Variants in ESM1 observed in about 807,000 individuals in gnomAD.
The protein encoded by ESM1 is endothelial cell-specific molecule 1.
In ESM1, 7 loss-of-function variants were observed where a neutral mutation model predicts 14.9. The observed-to-expected ratio is 0.47, with a 90% CI of 0.27 to 0.88. ESM1 has a LOEUF of 0.88. Among genes scored for constraint, ESM1 ranks in the 40% least tolerant of loss-of-function variants. The pLI is 0.14. For missense variants in ESM1, 192 were observed against 237.9 expected (o/e 0.81, Z 1.27); for synonymous variants, 89 against 89.4 (o/e 1.00, Z 0.02).
intron 1 of ESM1, 98 bp downstream of exon 1, chr5:54,985,092 GCCTTGTCAAGAATCCACCTGCCTTTTC>G: frequency 1.2e-6 from 1 of 814,352 alleles, no homozygotes; most frequent in South Asian, 1.7e-5. Context: ...CCTGTGTGGT[GCCTTGTCAAGAATCCACCTGCCTTTTC>G]CCTCTTACTC....
At chr5:54,982,283 AC>A in intron 1 of ESM1, 137 bp from the exon 2 acceptor site, 1 of 794,714 alleles carries the variant, frequency 1.3e-6, no homozygotes, top group Non-Finnish European at 1.9e-6. Context: ...AATTCTCCAA[AC>A]CCAGGATTTG....
chr5:54,979,491 C>A, intron 2 of ESM1, 56 bp from the exon 3 acceptor site: 3 of 1,200,436 alleles, frequency 2.5e-6, no homozygotes, highest in Non-Finnish European at 1.2e-6. Context: ...AAAGACAACA[C>A]AGTTTTGCTT....
Position 54,978,100 on chromosome 5 carries a change from G to A in ESM1, c.*1232C>T, listed in dbSNP as rs1016069697. On this transcript the variant is annotated 3_prime_UTR_variant, in exon 3 of 3. Transcript: ENST00000381405. ...AACATCTAGTACAACAGTCCTGTTT[G>A]TGCTAAGATTCTTTCAAATATACTC... The A allele has an allele frequency of 1.3e-5, 2 of 152,032 alleles. No homozygotes were observed. The highest frequency in any genetic ancestry group is 4.8e-5 in the African/African-American group (2 of 41,394). The allele number at this position is 152,032 out of a possible 1,614,324, so 9.4% of individuals were successfully genotyped here. A position where few individuals can be genotyped will look rare whatever the true frequency, so the allele number is the denominator to read the frequency against.
In ESM1 at chr5:54,979,429, T is replaced by G. The variant is rs950760667; in HGVS notation, c.458A>C (p.Asp153Ala). The change falls in exon 3 of 3, where the codon GAC becomes GCC. Residue 153 changes from aspartate to alanine, a missense_variant. By Grantham distance (126) the Asp-to-Ala change is moderately radical. Coordinates refer to ENST00000381405, the MANE Select transcript of ESM1 (RefSeq NM_007036.5). ...AATATTGCCATCTCCAGATGCCATGTCATGCTCTGAAAGTAGACGGAATAC... is the reference window on the plus strand; with the variant it reads ...AATATTGCCATCTCCAGATGCCATGGCATGCTCTGAAAGTAGACGGAATAC... ...SNRFVSLTEH[D>A]MASGDGNIVR... 1 of 1,607,380 alleles carries G rather than the reference T, an allele frequency of 6.2e-7. No homozygotes were observed. Among genetic ancestry groups the G allele is most frequent in the South Asian group, 1.1e-5 (1 of 90,916 alleles).
Position 54,979,197 on chromosome 5 carries a change from TG to T in ESM1, c.*134del. The T allele has an allele frequency of 1.5e-6, 1 of 668,246 alleles. No homozygotes were observed. The highest frequency in any genetic ancestry group is 2.7e-6 in the Non-Finnish European group (1 of 371,128). The allele number at this position is 668,246 out of a possible 1,614,324, so 41.4% of individuals were successfully genotyped here. ...TGTAAGTATCCTACTTTTTGTTTTC[TG>T]GATCCACCATGCATCACATTTGGTC... On this transcript the variant is annotated 3_prime_UTR_variant, in exon 3 of 3. Coordinates refer to ENST00000381405, the MANE Select transcript of ESM1 (RefSeq NM_007036.5).
intron 1 of ESM1, among the ~76,000 whole-genome samples, chr5:54,984,491 T>A (rs888933126): frequency 6.6e-6 from 1 of 152,236 alleles, no homozygotes; most frequent in African/African-American, 2.4e-5. Context: ...TAGCTAAAAT[T>A]TCAACCGACG....
intron 2 of ESM1, among the ~76,000 whole-genome samples, chr5:54,980,432 C>G (rs1426100348): frequency 3.9e-5 from 6 of 152,114 alleles, no homozygotes; most frequent in Non-Finnish European, 8.8e-5. Context: ...AGTGCATGAA[C>G]CTGGAAGTCT....
intron 1 of ESM1, among the ~76,000 whole-genome samples, chr5:54,982,656 T>C (rs1740411189): frequency 6.6e-6 from 1 of 152,228 alleles, no homozygotes; most frequent in South Asian, 2.1e-4. Context: ...TAGCTCACCA[T>C]GAAGCAATCA....
intron 1 of ESM1, 128 bp from the exon 2 acceptor site, chr5:54,982,274 A>G: frequency 1.2e-6 from 1 of 846,806 alleles, no homozygotes; most frequent in Admixed American, 3.1e-5. Flanking sequence ...GTAAAATCCA[A>G]TTCTCCAAAC....
intron 2 of ESM1, among the ~76,000 whole-genome samples, chr5:54,981,607 C>A (rs1286533194): frequency 6.6e-6 from 1 of 152,122 alleles, no homozygotes; most frequent in Non-Finnish European, 1.5e-5. Context: ...CCTCACAGTA[C>A]TTTTTCTATG....
intron 1 of ESM1, among the ~76,000 whole-genome samples, chr5:54,983,834 C>A (rs1426569446): frequency 6.6e-6 from 1 of 152,170 alleles, no homozygotes; most frequent in Admixed American, 6.5e-5. Flanking sequence ...AGAGAAAAAG[C>A]AATCCACTGC....
At position 54,985,264 on chromosome 5, in the gene ESM1, G is replaced by C; in HGVS notation, c.254C>G (p.Pro85Arg). The change falls in exon 1 of 3, where the codon CCT becomes CGT. Residue 85 changes from proline to arginine, a missense_variant. By Grantham distance (103) the Pro-to-Arg change is moderately radical (BLOSUM62 -2). Coordinates refer to ENST00000381405, the MANE Select transcript of ESM1 (RefSeq NM_007036.5). ...MKCGPGLRCQ[P>R]SNGEDPFGEE... ...ACCAAAAGGATCCTCCCCATTAGAA[G>C]GCTGACACCTCAGCCCCGGGCCACA... is the stretch of plus-strand genomic sequence containing the variant. 1 of 1,613,918 alleles carries C rather than the reference G, an allele frequency of 6.2e-7. No homozygotes were observed. The highest frequency in any genetic ancestry group is 1.3e-5 in the African/African-American group (1 of 75,040).
rs761861131 is a variant in ESM1, at chr5:54,982,073, C to T, written c.375G>A (p.Gly125=). Residue 125 remains glycine (G), a synonymous_variant, in exon 2 of 3, where the codon GGG becomes GGA. Coordinates refer to ENST00000381405, the MANE Select transcript of ESM1 (RefSeq NM_007036.5). The part of the protein sequence containing the change: ...CNCQSGICDR[G]TGKCLKFPFF... ...AGGGGAATTTCAGGCATTTTCCCGT[C>T]CCCCTGTCACAGATGCCTGACTGGC... 3 of 1,614,106 alleles carry T rather than the reference C, an allele frequency of 1.9e-6. No homozygotes were observed. In the East Asian group the frequency reaches 6.7e-5, roughly 36 times the overall value.
chr5:54,979,682 CCTGTGTATTA>C (rs1561243393), intron 2 of ESM1, among the ~76,000 whole-genome samples: 153 of 152,090 alleles, frequency 1.0e-3, no homozygotes, highest in African/African-American at 3.5e-3. Flanking sequence ...GTCTTTTTTT[CCTGTGTATTA>C]TTTCACTCCA....
chr5:54,979,145 G>C lies in ESM1; in HGVS notation c.*187C>G. 1.8e-6 allele frequency: 1 copy of C among 557,378 alleles called. No individual in the cohort carries two copies. The highest frequency in any genetic ancestry group is 3.2e-6 in the Non-Finnish European group (1 of 311,502). 34.5% of individuals were successfully genotyped at this position (557,378 alleles called of 1,614,324 possible). ...TCGAATATTTAACAAACACATACAA[G>C]TGTTCAGTCATATGGATGTTATGGA... On this transcript the variant is annotated 3_prime_UTR_variant, in exon 3 of 3. Transcript: ENST00000381405.
At chr5:54,981,062 G>A (rs1405525776) in intron 2 of ESM1, among the ~76,000 whole-genome samples, 1 of 151,914 alleles carries the variant, frequency 6.6e-6, no homozygotes, top group Non-Finnish European at 1.5e-5. Flanking sequence ...TATACATTTA[G>A]GGTACAATAT....
chr5:54,978,889 A>G lies in ESM1; in HGVS notation c.*443T>C, dbSNP rs2112245143. The G allele has an allele frequency of 6.6e-6, 1 of 152,446 alleles. No individual in the cohort carries two copies. Among genetic ancestry groups the G allele is most frequent in the South Asian group, 2.1e-4 (1 of 4,808 alleles). 9.4% of individuals were successfully genotyped at this position (152,446 alleles called of 1,614,324 possible). A position where few individuals can be genotyped will look rare whatever the true frequency, so the allele number is the denominator to read the frequency against. On this transcript the variant is annotated 3_prime_UTR_variant, in exon 3 of 3. Coordinates refer to ENST00000381405, the MANE Select transcript of ESM1 (RefSeq NM_007036.5). ...AAGCTACCTACCAAGGAAGGGCTAA[A>G]TATTTTATTTCCCACTCCCACCCCC...
At chr5:54,979,745 C>A (rs956486151) in intron 2 of ESM1, among the ~76,000 whole-genome samples, 1 of 152,164 alleles carries the variant, frequency 6.6e-6, no homozygotes, top group Non-Finnish European at 1.5e-5. Context: ...CTTTATTTTG[C>A]TCACTGCTAT....
rs1322491206 is a variant in ESM1 at position 54,985,384 on chromosome 5, C to T, written c.134G>A (p.Arg45Lys). ...GCAGCCACAGTCGTCGAGCACTGTC[C>T]TCTTGCAGCGCGGGCTGCTTTTGCA... ...SECKSSPRCK[R>K]TVLDDCGCCR... Residue 45 changes from arginine (R) to lysine (K), a missense_variant, in exon 1 of 3, where the codon AGG (arginine) becomes AAG (lysine). By Grantham distance (26) the Arg-to-Lys change is conservative. Transcript: ENST00000381405. 6.2e-7 allele frequency: 1 copy of T among 1,614,228 alleles called. No homozygotes were observed. Among genetic ancestry groups the T allele is most frequent in the Non-Finnish European group, 8.5e-7 (1 of 1,180,042 alleles).
Sources: gnomAD v4.1 joint callset for allele counts (sites outside exome capture counted in the v4.1 genomes callset) on GRCh38, gnomAD v4.1.1 for gene constraint, MANE v1.5 for transcripts, NCBI Gene and HGNC (gene_info 2026-07-23, HGNC 2026-07-21) for gene names.